Variants in APP observed in about 807,000 individuals in gnomAD.
APP encodes amyloid-beta precursor protein.
A neutral mutation model predicts 101.4 loss-of-function variants in APP; 31 were observed. The ratio of observed to expected loss-of-function variants is 0.31; its 90% confidence interval spans 0.23 to 0.41. APP has a LOEUF of 0.41. Among genes scored for constraint, APP ranks in the 10% least tolerant of loss-of-function variants. The pLI is 1.00. For missense variants in APP, 839 were observed against 1,003.7 expected, an observed-to-expected ratio of 0.84 and a Z score of 2.22; for synonymous variants, 366 against 364.4, an observed-to-expected ratio of 1.00 and a Z score of -0.05.
intron 13 of APP, among the ~76,000 whole-genome samples, chr21:25,938,411 G>A (rs1317310712): frequency 6.6e-6 from 1 of 152,014 alleles, no homozygotes; most frequent in Non-Finnish European, 1.5e-5. Flanking sequence ...AATACATTCT[G>A]AGTCTCTGCT....
chr21:26,065,708 T>G (rs1459427104), intron 3 of APP, among the ~76,000 whole-genome samples: 1 of 152,230 alleles, frequency 6.6e-6, no homozygotes, highest in Admixed American at 6.5e-5. Flanking sequence ...CTTACTAATT[T>G]TGAATGACAG....
intron 3 of APP, among the ~76,000 whole-genome samples, chr21:26,072,893 A>C (rs983696057): frequency 1.3e-5 from 2 of 152,212 alleles, no homozygotes. Context: ...AAATGGAATA[A>C]CAGACATATG....
In APP at chr21:25,897,566, T is replaced by C. The variant is rs768968457; in HGVS notation, c.2064+7A>G. 1 of 1,604,816 alleles carries C rather than the reference T, an allele frequency of 6.2e-7. No homozygotes were observed. Among genetic ancestry groups the C allele is most frequent in the Non-Finnish European group, 8.5e-7 (1 of 1,171,538 alleles). On this transcript the variant is annotated splice_region_variant and intron_variant, in intron 16 of 17. Transcript: ENST00000346798. ...AGTAGTGGAAAGAGGTAAATTATTT[T>C]ACGTACCAATTTTTGATGATGAACT...
At position 26,050,918 on chromosome 21, in the gene APP, CAGAA is replaced by C. The variant is rs2045810888; in HGVS notation, c.662+78_662+81del. The C allele has an allele frequency of 5.2e-6, 8 of 1,547,254 alleles. No homozygotes were observed. In the East Asian group the frequency reaches 1.8e-4, roughly 35 times the overall value. ...GGGCAGAGACCTTTTCAGTGATAAA[CAGAA>C]AGATTAATTTACAGGATACAAATAC... On this transcript the variant is annotated intron_variant, in intron 5 of 17. Coordinates refer to ENST00000346798, the MANE Select transcript of APP (RefSeq NM_000484.4).
chr21:25,998,319 T>C (rs139128431), intron 7 of APP, among the ~76,000 whole-genome samples: 2,114 of 151,716 alleles, frequency 0.014, 31 homozygotes, highest in Non-Finnish European at 0.018. Context: ...CCTGACCTAA[T>C]TGACTGCTTT....
chr21:26,040,102 C>G (rs1427918365), intron 5 of APP, among the ~76,000 whole-genome samples: 2 of 152,074 alleles, frequency 1.3e-5, no homozygotes, highest in African/African-American at 4.8e-5. Context: ...ATACACACAG[C>G]CTGAAGGCAA....
At position 26,058,020 on chromosome 21, in the gene APP, G is replaced by C. The variant is rs45513300; in HGVS notation, c.356-4672C>G. ...AAACCGTGGCTTAAACACACGGTAGGATTATGTATCTCACCTAAGAAGTGA... is the reference window on the plus strand; with the variant it reads ...AAACCGTGGCTTAAACACACGGTAGCATTATGTATCTCACCTAAGAAGTGA... On this transcript the variant is annotated intron_variant, in intron 3 of 17. Transcript: ENST00000346798. 2.1e-3 allele frequency among the ~76,000 whole-genome samples: 319 copies of C among 152,294 alleles called. 1 individual carries two copies. Among genetic ancestry groups the C allele is most frequent in the African/African-American group, 5.6e-3 (233 of 41,560 alleles).
chr21:26,135,697 G>A (rs1359231666), intron 1 of APP, among the ~76,000 whole-genome samples: 3 of 152,134 alleles, frequency 2.0e-5, no homozygotes, highest in Non-Finnish European at 4.4e-5. Context: ...GTTACTGGAA[G>A]GGCATGTGTC....
intron 5 of APP, among the ~76,000 whole-genome samples, chr21:26,030,293 G>A (rs914890299): frequency 1.3e-5 from 2 of 152,222 alleles, no homozygotes; most frequent in African/African-American, 4.8e-5. Context: ...GATAGGATGT[G>A]AAATGCATAA....
intron 13 of APP, among the ~76,000 whole-genome samples, chr21:25,921,427 C>A (rs1474326080): frequency 6.8e-6 from 1 of 146,276 alleles, no homozygotes; most frequent in East Asian, 2.0e-4. Context: ...TCAAAAAAAT[C>A]AATGAATCCA....
intron 11 of APP, among the ~76,000 whole-genome samples, chr21:25,974,089 T>C (rs772079788): frequency 1.3e-5 from 2 of 151,964 alleles, no homozygotes; most frequent in Non-Finnish European, 2.9e-5. Context: ...TTTGGGGCAA[T>C]GATCACTGAA....
At chr21:26,137,269 C>T (rs2062941558) in intron 1 of APP, among the ~76,000 whole-genome samples, 1 of 152,184 alleles carries the variant, frequency 6.6e-6, no homozygotes, top group African/African-American at 2.4e-5. Context: ...TGAAGTTCCT[C>T]AGAGGTGCGC....
intron 5 of APP, among the ~76,000 whole-genome samples, chr21:26,040,579 G>C (rs1289053963): frequency 1.3e-5 from 2 of 149,742 alleles, no homozygotes; most frequent in Non-Finnish European, 3.0e-5. Flanking sequence ...TCCAGCCTGG[G>C]CAACAGAGTG....
chr21:25,918,409 T>C (rs1426026722), intron 13 of APP, among the ~76,000 whole-genome samples: 1 of 152,194 alleles, frequency 6.6e-6, no homozygotes, highest in East Asian at 1.9e-4. Context: ...AGCTCCGGTC[T>C]ACAGCTCCCA....
intron 1 of APP, among the ~76,000 whole-genome samples, chr21:26,145,922 A>T (rs2830091): frequency 1.5e-5 from 1 of 64,814 alleles, no homozygotes; most frequent in Non-Finnish European, 3.1e-5. Context: ...AGAGTTTTTT[A>T]AAGGCTTGCT....
intron 2 of APP, among the ~76,000 whole-genome samples, chr21:26,094,869 G>T (rs1601444465): frequency 6.7e-6 from 1 of 150,020 alleles, no homozygotes; most frequent in African/African-American, 2.4e-5. Context: ...TTTTTGAGAT[G>T]GACTCTCACT....
chr21:25,969,536 T>C (rs2041930356), intron 11 of APP, among the ~76,000 whole-genome samples: 1 of 151,924 alleles, frequency 6.6e-6, no homozygotes, highest in South Asian at 2.1e-4. Flanking sequence ...AGCCACATTT[T>C]ATTACAAAGG....
At chr21:25,901,462 T>G (rs569522962) in intron 15 of APP, among the ~76,000 whole-genome samples, 2 of 152,316 alleles carry the variant, frequency 1.3e-5, no homozygotes, top group African/African-American at 4.8e-5. Flanking sequence ...AGCTCAATAG[T>G]TTGAGAAGCT....
chr21:26,130,012 T>C (rs988787112), intron 1 of APP, among the ~76,000 whole-genome samples: 3 of 152,216 alleles, frequency 2.0e-5, no homozygotes, highest in African/African-American at 7.2e-5. Flanking sequence ...ATTAATGTAA[T>C]ACCCAGAGAA....
Sources: allele counts gnomAD v4.1 joint callset (sites outside exome capture counted in the v4.1 genomes callset), GRCh38; gene constraint gnomAD v4.1.1; transcripts MANE v1.5; gene names NCBI Gene and HGNC (gene_info 2026-07-23, HGNC 2026-07-21).